The following BMP3 variants were observed in gnomAD, a reference collection of about 807,000 sequenced individuals.
BMP3 encodes the protein bone morphogenetic protein 3.
Under a neutral mutation model 38.1 loss-of-function variants are expected in BMP3, and 23 were observed. The observed-to-expected ratio is 0.60, with a 90% confidence interval of 0.43 to 0.86. The LOEUF (loss-of-function observed/expected upper bound fraction) is 0.86. BMP3 is among the 40% of genes least tolerant of loss of function. The pLI, the probability that BMP3 is intolerant of heterozygous loss-of-function variation, is 0.00. For synonymous variants in BMP3, 258 were observed against 225.7 expected (o/e 1.14, Z -1.28); for missense variants, 628 against 579.6 (o/e 1.08, Z -0.86).
chr4:81,045,633 T>G, intron 1 of BMP3, 105 bp from the exon 2 acceptor site: 2 of 993,924 alleles, frequency 2.0e-6, no homozygotes, highest in Non-Finnish European at 2.8e-6. Flanking sequence ...ATTTCATGGA[T>G]TTAGTTCTTA....
At chr4:81,036,478 T>C (rs1739928092) in intron 1 of BMP3, among the ~76,000 whole-genome samples, 1 of 152,098 alleles carries the variant, frequency 6.6e-6, no homozygotes, top group Non-Finnish European at 1.5e-5. Flanking sequence ...ATTTTGATGA[T>C]TCTCCCATAT....
At chr4:81,037,383 T>TC in intron 1 of BMP3, 1 of 261,164 alleles carries the variant, frequency 3.8e-6, no homozygotes, top group Non-Finnish European at 7.9e-6. Flanking sequence ...TTTTGTTTTT[T>TC]CTATTACCTA....
intron 1 of BMP3, among the ~76,000 whole-genome samples, chr4:81,039,519 A>C (rs1740012153): frequency 6.6e-6 from 1 of 152,172 alleles, no homozygotes; most frequent in African/African-American, 2.4e-5. Flanking sequence ...TTGCAATAGC[A>C]TGGCTGGCCT....
Position 81,054,460 on chromosome 4 carries a change from C to T in BMP3, c.*924C>T, listed in dbSNP as rs1740493651. On this transcript the variant is annotated 3_prime_UTR_variant, in exon 3 of 3. Coordinates refer to ENST00000282701, the MANE Select transcript of BMP3 (RefSeq NM_001201.5). The stretch of plus-strand genomic sequence containing the variant: ...AAAATCCTTCCTAAAGCCATTAACT[C>T]TTTAATTCTCCTGATATGCCTTTAC... 1 of 152,152 alleles carries T rather than the reference C, an allele frequency of 6.6e-6. No homozygotes were observed. The highest frequency in any genetic ancestry group is 1.5e-5 in the Non-Finnish European group (1 of 68,008). 9.4% of individuals were successfully genotyped at this position (152,152 alleles called of 1,614,324 possible).
Position 81,055,350 on chromosome 4 carries a change from G to C in BMP3, c.*1814G>C, listed in dbSNP as rs1740523301. On this transcript the variant is annotated 3_prime_UTR_variant, in exon 3 of 3. Transcript: ENST00000282701. ...CACCTTGGGGTACACAAATGTTGGT[G>C]TGGGTGTGTGTTAATTCTGTGAGTG... 1 of 152,192 alleles carries C rather than the reference G, an allele frequency of 6.6e-6. No homozygotes were observed. The highest frequency in any genetic ancestry group is 2.4e-5 in the African/African-American group (1 of 41,448). The allele number at this position is 152,192 out of a possible 1,614,324, so 9.4% of individuals were successfully genotyped here. A position where few individuals can be genotyped will look rare whatever the true frequency, so the allele number is the denominator to read the frequency against.
Position 81,056,878 on chromosome 4 carries a change from T to C in BMP3, c.*3342T>C, listed in dbSNP as rs1740586207. On this transcript the variant is annotated 3_prime_UTR_variant, in exon 3 of 3. Coordinates refer to ENST00000282701, the MANE Select transcript of BMP3 (RefSeq NM_001201.5). The stretch of plus-strand genomic sequence containing the variant: ...GATTTATTAAAAATATTTGTATAAT[T>C]CATTCAGTTTAGTTTTTCAGTTTAG... 6.6e-6 allele frequency: 1 copy of C among 152,624 alleles called. No individual in the cohort carries two copies. The allele number at this position is 152,624 out of a possible 1,614,324, so 9.5% of individuals were successfully genotyped here.
At chr4:81,039,984 A>G (rs1378138199) in intron 1 of BMP3, among the ~76,000 whole-genome samples, 2 of 152,256 alleles carry the variant, frequency 1.3e-5, no homozygotes, top group African/African-American at 4.8e-5. Flanking sequence ...ACAAATCTGG[A>G]TTATCAAGGA....
rs565375170 is a variant in BMP3, at chr4:81,056,943, A to C, written c.*3407A>C. Reference sequence around the variant, plus strand: ...CTTTTCTCTGTGCTAACAAGTAACTAATGTCTGGGCATTGACTTCTTATTG... The same window carrying C: ...CTTTTCTCTGTGCTAACAAGTAACTCATGTCTGGGCATTGACTTCTTATTG... On this transcript the variant is annotated 3_prime_UTR_variant, in exon 3 of 3. Coordinates refer to ENST00000282701, the MANE Select transcript of BMP3 (RefSeq NM_001201.5). The C allele has an allele frequency of 5.2e-5, 8 of 152,566 alleles. No individual in the cohort carries two copies. Among genetic ancestry groups the C allele is most frequent in the African/African-American group, 2.4e-5 (1 of 41,430 alleles). The allele number at this position is 152,566 out of a possible 1,614,324, so 9.5% of individuals were successfully genotyped here.
chr4:81,038,617 C>A (rs899013275), intron 1 of BMP3, among the ~76,000 whole-genome samples: 2 of 152,104 alleles, frequency 1.3e-5, no homozygotes, highest in Admixed American at 1.3e-4. Context: ...TATAATAATT[C>A]TTTTCTAATG....
Position 81,031,485 on chromosome 4 carries a change from C to A in BMP3, c.201C>A (p.Tyr67Ter). The A allele has an allele frequency of 6.2e-7, 1 of 1,613,120 alleles. No individual in the cohort carries two copies. The highest frequency in any genetic ancestry group is 8.5e-7 in the Non-Finnish European group (1 of 1,179,658). ...SEHMLRLYDR[Y>*]STVQAARTPG... ...ACATGCTGCGGCTCTATGACAGGTACAGCACGGTCCAGGCGGCCCGGACAC... is the reference window on the plus strand; with the variant it reads ...ACATGCTGCGGCTCTATGACAGGTAAAGCACGGTCCAGGCGGCCCGGACAC... Residue 67 changes from tyrosine to a stop codon, truncating the protein, a stop_gained, in exon 1 of 3, where the codon TAC becomes TAA. Transcript: ENST00000282701. LOFTEE classifies it high-confidence loss of function.
intron 1 of BMP3, among the ~76,000 whole-genome samples, chr4:81,039,294 A>G (rs377135147): frequency 6.6e-6 from 1 of 152,208 alleles, no homozygotes; most frequent in Non-Finnish European, 1.5e-5. Flanking sequence ...TATTTTCTGT[A>G]TGACTAAAAT....
intron 2 of BMP3, among the ~76,000 whole-genome samples, chr4:81,053,135 A>G (rs566079129): frequency 3.9e-4 from 60 of 152,298 alleles, no homozygotes; most frequent in African/African-American, 1.4e-3. Flanking sequence ...TACTACATAT[A>G]ATATGCCTGG....
chr4:81,040,002 C>A (rs375401838), intron 1 of BMP3, among the ~76,000 whole-genome samples: 5 of 152,076 alleles, frequency 3.3e-5, no homozygotes, highest in East Asian at 3.9e-4. Flanking sequence ...GGAGAAAAAT[C>A]GTGGGTAGAG....
intron 2 of BMP3, among the ~76,000 whole-genome samples, chr4:81,051,309 A>G (rs1370993135): frequency 2.0e-5 from 3 of 152,152 alleles, no homozygotes. Context: ...AATGGAGGGT[A>G]TGTTGTTTCT....
chr4:81,039,408 A>T (rs1267299848), intron 1 of BMP3, among the ~76,000 whole-genome samples: 3 of 152,096 alleles, frequency 2.0e-5, no homozygotes, highest in South Asian at 2.1e-4. Context: ...GTATGTTCTA[A>T]TTCCCCTTGC....
At chr4:81,051,640 G>A (rs1740402176) in intron 2 of BMP3, among the ~76,000 whole-genome samples, 1 of 152,122 alleles carries the variant, frequency 6.6e-6, no homozygotes, top group Non-Finnish European at 1.5e-5. Context: ...AACAAGCAAT[G>A]GCTACTGACA....
intron 1 of BMP3, among the ~76,000 whole-genome samples, chr4:81,043,914 A>G (rs1223846040): frequency 6.6e-6 from 1 of 152,162 alleles, no homozygotes. Context: ...TGAAGTAGGT[A>G]GAAGAAGATG....
intron 1 of BMP3, among the ~76,000 whole-genome samples, chr4:81,038,996 A>G (rs1238587128): frequency 2.0e-5 from 3 of 152,148 alleles, no homozygotes; most frequent in South Asian, 2.1e-4. Context: ...GACATAGAGA[A>G]TGGTTGTTTT....
chr4:81,053,225 A>T, intron 2 of BMP3, 120 bp from the exon 3 acceptor site: 2 of 694,366 alleles, frequency 2.9e-6, no homozygotes, highest in Non-Finnish European at 4.4e-6. Context: ...TAATGATGCC[A>T]GAGGTTTTAT....
Sources: allele counts gnomAD v4.1 joint callset (sites outside exome capture counted in the v4.1 genomes callset), GRCh38; gene constraint gnomAD v4.1.1; transcripts MANE v1.5; gene names NCBI Gene and HGNC (gene_info 2026-07-23, HGNC 2026-07-21).